ACAP3: variants seen among roughly 807,000 people sequenced by gnomAD.
ACAP3 encodes the protein arf-GAP with coiled-coil, ANK repeat and PH domain-containing protein 3.
In ACAP3, 56 loss-of-function variants were observed where a neutral mutation model predicts 104.1. The observed-to-expected ratio is 0.54, with a 90% confidence interval of 0.43 to 0.67. The LOEUF (loss-of-function observed/expected upper bound fraction) is 0.67. ACAP3 is among the 30% of genes least tolerant of loss of function. The pLI is 0.00. For synonymous variants in ACAP3, 628 were observed against 496.2 expected (o/e 1.27, Z -3.53); for missense variants, 1,208 against 1,174.9 (o/e 1.03, Z -0.41).
chr1:1,307,622 C>A, intron 1 of ACAP3, 147 bp downstream of exon 1: 1 of 938,714 alleles, frequency 1.1e-6, no homozygotes, highest in Non-Finnish European at 1.3e-6. Context: ...CGGGGCGGGG[C>A]CGCCGCTTTG....
At chr1:1,307,335 AC>A in intron 1 of ACAP3, 1 of 1,289,416 alleles carries the variant, frequency 7.8e-7, no homozygotes, top group Non-Finnish European at 1.0e-6. Context: ...CAAGCACCCT[AC>A]CCCAGGCCTT....
chr1:1,303,613 C>T lies in ACAP3; in HGVS notation c.106-332G>A. ...TCCCAGCTCCACGGCCTGTTGCCCC[C>T]TCCTCTTTCTCAGCCCATGTGGGGC... On this transcript the variant is annotated intron_variant, in intron 2 of 23. Coordinates refer to ENST00000354700, the MANE Select transcript of ACAP3 (RefSeq NM_030649.3). The surrounding 1 kb of genome is among the most constrained non-coding windows in gnomAD (Gnocchi z 4.0). 2.2e-6 allele frequency: 1 copy of T among 459,950 alleles called. No individual in the cohort carries two copies. Among genetic ancestry groups the T allele is most frequent in the Non-Finnish European group, 3.9e-6 (1 of 253,734 alleles). 28.5% of individuals were successfully genotyped at this position (459,950 alleles called of 1,614,324 possible). A position where few individuals can be genotyped will look rare whatever the true frequency, so the allele number is the denominator to read the frequency against.
chr1:1,301,258 C>CT (rs869238177), intron 5 of ACAP3, among the ~76,000 whole-genome samples: 8,274 of 105,406 alleles, frequency 0.078, 659 homozygotes, highest in East Asian at 0.18. Flanking sequence ...TTGGGGGTGT[C>CT]TTTTTTTTTT....
In ACAP3 at chr1:1,298,669, TAGG is replaced by T. The variant is rs758792613; in HGVS notation, c.758_760del (p.Ser253del). 8.1e-6 allele frequency: 13 copies of T among 1,612,212 alleles called. No individual in the cohort carries two copies. Among genetic ancestry groups the T allele is most frequent in the Admixed American group, 3.3e-5 (2 of 59,974 alleles). On this transcript the variant is annotated inframe_deletion, in exon 11 of 24. Transcript: ENST00000354700. ...GTCAAACTCCACTTTGGACTCATCGTAGGAGAAGTCCTGGGGGGATGGAACCCG... is the reference window on the plus strand; with the variant it reads ...GTCAAACTCCACTTTGGACTCATCGTAGAAGTCCTGGGGGGATGGAACCCG...
rs114963616 is a variant in ACAP3, at chr1:1,292,467, C to T, written c.*1097G>A. On this transcript the variant is annotated 3_prime_UTR_variant, in exon 24 of 24. Coordinates refer to ENST00000354700, the MANE Select transcript of ACAP3 (RefSeq NM_030649.3). ...CAGGGGCCTGGGGCAAGAGGCGGGG[C>T]CAAGCTCACACAGGGAGAGGGGCAA... 3,162 of 152,474 alleles carry T rather than the reference C, an allele frequency of 0.021. 30 individuals carry two copies. Among genetic ancestry groups the T allele is most frequent in the Non-Finnish European group, 0.028 (1,908 of 68,130 alleles). The allele number at this position is 152,474 out of a possible 1,614,324, so 9.4% of individuals were successfully genotyped here.
Position 1,294,158 on chromosome 1 carries a change from C to T in ACAP3, c.2181G>A (p.Ala727=), listed in dbSNP as rs148138514. 0.011 allele frequency: 18,309 copies of T among 1,596,928 alleles called. 133 individuals are homozygous for T. The highest frequency in any genetic ancestry group is 0.014 in the Non-Finnish European group (16,592 of 1,172,076). The part of the protein sequence containing the change: ...IVCEFLLQNG[A]DVNQRDSRGR... Reference sequence around the variant, plus strand: ...CCCGGCTGTCTCTTTGGTTCACGTCCGCTCCGTTTTGCAGCAGGAACTCAC... The same window carrying T: ...CCCGGCTGTCTCTTTGGTTCACGTCTGCTCCGTTTTGCAGCAGGAACTCAC... The change falls in exon 22 of 24, where the codon GCG becomes GCA. Residue 727 remains alanine, a synonymous_variant. Transcript: ENST00000354700.
At chr1:1,307,688 C>A (rs1641803769) in intron 1 of ACAP3, 81 bp downstream of exon 1, 2 of 1,047,062 alleles carry the variant, frequency 1.9e-6, no homozygotes, top group East Asian at 7.3e-5. Flanking sequence ...CCGGCGCTGA[C>A]CTCCCCACCC....
rs1020670103 is a variant in ACAP3 at position 1,296,572 on chromosome 1, T to A, written c.1190A>T (p.Glu397Val). 10 of 1,539,494 alleles carry A rather than the reference T, an allele frequency of 6.5e-6. No homozygotes were observed. The highest frequency in any genetic ancestry group is 7.8e-6 in the Non-Finnish European group (9 of 1,146,648). ...SSIDSATDTR[E>V]RGVKGESVLQ... ...CACACTCTCGCCCTTCACGCCACGC[T>A]CCCGAGTGTCGGTGGCGGAGTCGAT... Residue 397 changes from glutamate to valine, a missense_variant, in exon 15 of 24, where the codon GAG becomes GTG. Physicochemically the swap from Glu to Val is moderately radical, Grantham distance 121. Transcript: ENST00000354700.
rs760362294 is a variant in ACAP3 at position 1,300,075 on chromosome 1, G to A, written c.568-7C>T. The A allele has an allele frequency of 3.1e-6, 5 of 1,612,054 alleles. No individual in the cohort carries two copies. The highest frequency in any genetic ancestry group is 4.2e-6 in the Non-Finnish European group (5 of 1,179,584). On this transcript the variant is annotated splice_polypyrimidine_tract_variant and splice_region_variant and intron_variant, in intron 7 of 23. Coordinates refer to ENST00000354700, the MANE Select transcript of ACAP3 (RefSeq NM_030649.3). ...CGTGCATGAAGGACAGCATCTGCGG[G>A]GGCAGCACAGGTGAGGCCCAAGCAC...
Position 1,294,625 on chromosome 1 carries a change from C to A in ACAP3, c.1916G>T (p.Gly639Val), listed in dbSNP as rs1316279345. Reference protein sequence around the residue: ...SVVDSVTEEEGAESEESSGEA... With the variant: ...SVVDSVTEEEVAESEESSGEA... ...ACCGCTGGACTCCTCCGACTCTGCA[C>A]CCTCTGTGGGGAGGGGGCGGTCAGG... Residue 639 changes from glycine to valine, a missense_variant, in exon 21 of 24, where the codon GGT becomes GTT. Transcript: ENST00000354700. 5 of 1,530,066 alleles carry A rather than the reference C, an allele frequency of 3.3e-6. No homozygotes were observed. Among genetic ancestry groups the A allele is most frequent in the Non-Finnish European group, 4.4e-6 (5 of 1,137,238 alleles). 94.8% of individuals were successfully genotyped at this position (1,530,066 alleles called of 1,614,324 possible).
Position 1,293,826 on chromosome 1 carries a change from G to A in ACAP3, c.2357C>T (p.Thr786Ile). Residue 786 changes from threonine to isoleucine, a missense_variant, in exon 23 of 24, where the codon ACA (threonine) becomes ATA (isoleucine). By Grantham distance (89) the Thr-to-Ile change is moderately conservative. Transcript: ENST00000354700. ...CCGAGGGCCCGGCCGCGCTCACAGT[G>A]TCACGATGTCAGCGTTGGCCGCCTG... Reference protein sequence around the residue: ...AVQAANADIVTLLRLARMAEE... With the variant: ...AVQAANADIVILLRLARMAEE... 1 of 1,526,496 alleles carries A rather than the reference G, an allele frequency of 6.6e-7. No homozygotes were observed. Among genetic ancestry groups the A allele is most frequent in the Non-Finnish European group, 8.8e-7 (1 of 1,141,814 alleles). The allele number at this position is 1,526,496 out of a possible 1,614,324, so 94.6% of individuals were successfully genotyped here. A position where few individuals can be genotyped will look rare whatever the true frequency, so the allele number is the denominator to read the frequency against.
In ACAP3 at chr1:1,298,360, C is replaced by G; in HGVS notation, c.915+10G>C. On this transcript the variant is annotated intron_variant, in intron 12 of 23. Transcript: ENST00000354700. ...GCCATCAGGGCCCCAGCCCCAGGCC[C>G]AGGGCACACCTTGAGCTTCTTCTGG... 1 of 1,605,240 alleles carries G rather than the reference C, an allele frequency of 6.2e-7. No homozygotes were observed. Among genetic ancestry groups the G allele is most frequent in the Non-Finnish European group, 8.5e-7 (1 of 1,175,990 alleles).
chr1:1,294,857 C>T, intron 19 of ACAP3, 41 bp from the exon 20 acceptor site: 5 of 1,541,446 alleles, frequency 3.2e-6, no homozygotes, highest in Non-Finnish European at 4.4e-6. Flanking sequence ...GGTGGGAGGC[C>T]CAGACTCCGT....
rs1367147431 is a variant in ACAP3, at chr1:1,294,719, C to T, written c.1911G>A (p.Glu637=). The change falls in exon 20 of 24, where the codon GAG becomes GAA. Residue 637 remains glutamate, a splice_region_variant and synonymous_variant. Transcript: ENST00000354700. ...SGSVVDSVTE[E]EGAESEESSG... ...GGGCGAGGGCAAGACGCCACCCACC[C>T]TCCTCAGTGACGCTGTCCACCACAG... 3.2e-6 allele frequency: 5 copies of T among 1,549,486 alleles called. No individual in the cohort carries two copies. Among genetic ancestry groups the T allele is most frequent in the Admixed American group, 2.0e-5 (1 of 50,970 alleles).
chr1:1,301,760 G>C, intron 5 of ACAP3: 1 of 398,664 alleles, frequency 2.5e-6, no homozygotes, highest in East Asian at 3.8e-5. Context: ...ACCCAACGTG[G>C]ACTGGACCTC....
chr1:1,307,054 C>T (rs1408443370), intron 1 of ACAP3: 1 of 689,244 alleles, frequency 1.5e-6, no homozygotes, highest in Admixed American at 2.3e-5. Flanking sequence ...GAGGAGGGGG[C>T]CTCACGCAGG....
intron 18 of ACAP3, 21 bp from the exon 19 acceptor site, chr1:1,295,575 CAG>C: frequency 3.1e-6 from 5 of 1,609,808 alleles, no homozygotes; most frequent in Non-Finnish European, 4.2e-6. Context: ...AGTGCGTGTT[CAG>C]AGTGTGGAAC....
In ACAP3 at chr1:1,298,678, T is replaced by C. The variant is rs1405388210; in HGVS notation, c.752A>G (p.Asp251Gly). ...CACTTTGGACTCATCGTAGGAGAAG[T>C]CCTGGGGGGATGGAACCCGCCCCCT... ...AAIQQRTLLQ[D>G]FSYDESKVEF... The change falls in exon 11 of 24, where the codon GAC becomes GGC. Residue 251 changes from aspartate (D) to glycine (G), a missense_variant and splice_region_variant. By Grantham distance (94) the Asp-to-Gly change is moderately conservative (BLOSUM62 -1). Coordinates refer to ENST00000354700, the MANE Select transcript of ACAP3 (RefSeq NM_030649.3). 6.2e-7 allele frequency: 1 copy of C among 1,611,654 alleles called. No homozygotes were observed. The highest frequency in any genetic ancestry group is 1.1e-5 in the South Asian group (1 of 91,052).
chr1:1,295,482 TAGG>T lies in ACAP3; in HGVS notation c.1775_1777del (p.Ser592del), dbSNP rs1268222325. On this transcript the variant is annotated inframe_deletion, in exon 19 of 24. Coordinates refer to ENST00000354700, the MANE Select transcript of ACAP3 (RefSeq NM_030649.3). ...AGCCCCTGCGGCCCCTGCGTCGAAG[TAGG>T]AGAAGAGCGAGTCCAGCTCGTCGGG... 7 of 1,612,268 alleles carry T rather than the reference TAGG, an allele frequency of 4.3e-6. No individual in the cohort carries two copies. The highest frequency in any genetic ancestry group is 1.7e-5 in the Admixed American group (1 of 59,986).
Sources: gnomAD v4.1 joint callset for allele counts (sites outside exome capture counted in the v4.1 genomes callset) on GRCh38, gnomAD v4.1.1 for gene constraint, Gnocchi (gnomAD v3.1) non-coding constraint, MANE v1.5 for transcripts, NCBI Gene and HGNC (gene_info 2026-07-23, HGNC 2026-07-21) for gene names.